Variants in GLT1D1 observed in about 807,000 individuals in gnomAD.
The protein encoded by GLT1D1 is glycosyltransferase 1 domain containing 1.
Under a neutral mutation model 28.7 loss-of-function variants are expected in GLT1D1, and 21 were observed. The observed-to-expected ratio is 0.73, with a 90% CI of 0.52 to 1.05. The LOEUF is 1.05. Ranked by LOEUF, GLT1D1 falls within the 50% of genes least tolerant of loss-of-function variation. The pLI, the probability that GLT1D1 is intolerant of heterozygous loss-of-function variation, is 0.00. For synonymous variants in GLT1D1, 147 were observed against 124.8 expected, an observed-to-expected ratio of 1.18 and a Z score of -1.19; for missense variants, 343 against 330.6, an observed-to-expected ratio of 1.04 and a Z score of -0.29.
intron 2 of GLT1D1, among the ~76,000 whole-genome samples, chr12:128,881,561 A>AAT (rs1174737837): frequency 0.073 from 2,459 of 33,620 alleles, 120 homozygotes; most frequent in East Asian, 0.11. Flanking sequence ...AAAAAAAAAA[A>AAT]ATATATATAT....
At chr12:128,865,243 A>G (rs1029728831) in intron 1 of GLT1D1, among the ~76,000 whole-genome samples, 2 of 152,128 alleles carry the variant, frequency 1.3e-5, no homozygotes, top group African/African-American at 4.8e-5. Context: ...GGCCCATAGC[A>G]CCTGCTTTTC....
intron 1 of GLT1D1, among the ~76,000 whole-genome samples, chr12:128,863,346 G>A (rs11059985): frequency 0.29 from 43,964 of 151,752 alleles, 6,540 homozygotes; most frequent in South Asian, 0.53. Context: ...TTTGTGACTT[G>A]CAATCAAACA....
intron 1 of GLT1D1, among the ~76,000 whole-genome samples, chr12:128,856,183 C>A (rs147116391): frequency 6.6e-6 from 1 of 152,100 alleles, no homozygotes; most frequent in Non-Finnish European, 1.5e-5. Context: ...GTCATGGTGC[C>A]GATGGGAGTG....
At chr12:128,875,816 A>G in intron 1 of GLT1D1, 98 bp from the exon 2 acceptor site, 1 of 1,175,276 alleles carries the variant, frequency 8.5e-7, no homozygotes, top group South Asian at 1.5e-5. Context: ...CAACAACAAC[A>G]ACAACCAAAA....
chr12:128,961,469 T>A (rs538651179), intron 7 of GLT1D1, among the ~76,000 whole-genome samples: 1 of 152,190 alleles, frequency 6.6e-6, no homozygotes, highest in Non-Finnish European at 1.5e-5. Context: ...GCCAGTGGAG[T>A]ACTATTCAGC....
chr12:128,884,510 T>C (rs909086141), intron 2 of GLT1D1, among the ~76,000 whole-genome samples: 4 of 152,052 alleles, frequency 2.6e-5, no homozygotes, highest in Admixed American at 6.6e-5. Context: ...ATGTATTGTA[T>C]ACTTGAAAAT....
chr12:128,933,108 G>A (rs995837465), intron 4 of GLT1D1, among the ~76,000 whole-genome samples: 1 of 152,080 alleles, frequency 6.6e-6, no homozygotes, highest in Admixed American at 6.5e-5. Context: ...ACCGTAAGCA[G>A]GAAACCACTC....
intron 1 of GLT1D1, among the ~76,000 whole-genome samples, chr12:128,864,695 A>G (rs1160492864): frequency 2.0e-5 from 3 of 152,160 alleles, no homozygotes; most frequent in Non-Finnish European, 4.4e-5. Flanking sequence ...GGGCTCGGGC[A>G]TATTTGATGC....
chr12:128,942,322 C>T (rs186087354), intron 4 of GLT1D1, among the ~76,000 whole-genome samples: 18 of 152,148 alleles, frequency 1.2e-4, no homozygotes, highest in African/African-American at 2.9e-4. Context: ...AAAGCACGTA[C>T]GATTAACATT....
At chr12:128,928,016 A>AAAAC (rs1682103163) in intron 4 of GLT1D1, among the ~76,000 whole-genome samples, 1 of 149,754 alleles carries the variant, frequency 6.7e-6, no homozygotes, top group Non-Finnish European at 1.5e-5. Flanking sequence ...AAAAAAAAAA[A>AAAAC]AAAAAAAAAC....
intron 2 of GLT1D1, among the ~76,000 whole-genome samples, chr12:128,879,391 T>C (rs573697271): frequency 2.6e-4 from 16 of 61,276 alleles, no homozygotes; most frequent in Middle Eastern, 8.3e-3. Context: ...TCTTTCTTTC[T>C]TTCTTTCTTT....
intron 4 of GLT1D1, among the ~76,000 whole-genome samples, chr12:128,906,729 CT>C (rs958539402): frequency 4.7e-5 from 6 of 127,014 alleles, no homozygotes; most frequent in East Asian, 4.7e-4. Flanking sequence ...TTTTTTTTTT[CT>C]TTTTTTTTTC....
intron 4 of GLT1D1, among the ~76,000 whole-genome samples, chr12:128,934,222 T>C (rs1427446720): frequency 6.8e-6 from 1 of 146,944 alleles, no homozygotes; most frequent in African/African-American, 2.5e-5. Context: ...TTTTTTTTTT[T>C]AGATGGAGTG....
At chr12:128,959,412 G>GGGCC (rs1555219949) in intron 7 of GLT1D1, among the ~76,000 whole-genome samples, 1 of 17,678 alleles carries the variant, frequency 5.7e-5, no homozygotes, top group Non-Finnish European at 9.0e-5. Context: ...ATGAGGCAGT[G>GGGCC]GGGGGGGACG....
chr12:128,889,824 G>A (rs1403268672), intron 3 of GLT1D1, among the ~76,000 whole-genome samples: 1 of 152,134 alleles, frequency 6.6e-6, no homozygotes, highest in African/African-American at 2.4e-5. Flanking sequence ...GCCCAGGCTG[G>A]AGCGCAATGG....
chr12:128,886,201 AAATTGCCCAGACATATCC>A (rs1329177426), intron 2 of GLT1D1, among the ~76,000 whole-genome samples: 1 of 152,310 alleles, frequency 6.6e-6, no homozygotes, highest in East Asian at 1.9e-4. Context: ...TTTCTTTTGT[AAATTGCCCAGACATATCC>A]AATTGCCATG....
In GLT1D1 at chr12:128,945,205, G is replaced by A. The variant is rs58220371; in HGVS notation, c.376-121G>A. The A allele has an allele frequency of 0.015, 15,246 of 994,528 alleles. 1,514 individuals carry two copies. In the East Asian group the frequency reaches 0.26, roughly 17 times the overall value. The allele number at this position is 994,528 out of a possible 1,614,324, so 61.6% of individuals were successfully genotyped here. On this transcript the variant is annotated intron_variant, in intron 4 of 7. Transcript: ENST00000281703. ...ACGCAGCAGCCGCGAGGACACCCCC[G>A]TGGCCGCAGACCGAGGCCCACGCCG...
chr12:128,959,413 G>GGCGGGT lies in GLT1D1; in HGVS notation c.639+1771_639+1772insCGGGTG, dbSNP rs1555219953. 1.6e-4 allele frequency among the ~76,000 whole-genome samples: 14 copies of GGCGGGT among 87,360 alleles called. 1 individual carries two copies. The highest frequency in any genetic ancestry group is 2.9e-4 in the Non-Finnish European group (12 of 40,880). 57.3% of individuals were successfully genotyped at this position (87,360 alleles called of 152,430 possible). A position where few individuals can be genotyped will look rare whatever the true frequency, so the allele number is the denominator to read the frequency against. On this transcript the variant is annotated intron_variant, in intron 7 of 7. Transcript: ENST00000281703. ...TGAAAGCCAGCTTCATGAGGCAGTG[G>GGCGGGT]GGGGGGACGGGTGGGGAGGTGGCAG...
chr12:128,910,883 G>A (rs1346424871), intron 4 of GLT1D1, among the ~76,000 whole-genome samples: 1 of 152,062 alleles, frequency 6.6e-6, no homozygotes, highest in Non-Finnish European at 1.5e-5. Context: ...GCGATGCTAA[G>A]GACAAAACCA....
Sources: gnomAD v4.1 joint callset for allele counts (sites outside exome capture counted in the v4.1 genomes callset) on GRCh38, gnomAD v4.1.1 for gene constraint, MANE v1.5 for transcripts, NCBI Gene and HGNC (gene_info 2026-07-23, HGNC 2026-07-21) for gene names.